The following SPTSSA variants were observed in gnomAD, a reference collection of about 807,000 sequenced individuals.
The protein encoded by SPTSSA is serine palmitoyltransferase small subunit A, also known as small subunit of serine palmitoyltransferase A.
SPTSSA carries 8 observed loss-of-function variants against 9.1 expected under a neutral mutation model. The ratio of observed to expected loss-of-function variants is 0.88; its 90% confidence interval spans 0.51 to 1.58. The LOEUF (loss-of-function observed/expected upper bound fraction) is 1.58. SPTSSA is among the 40% of genes most tolerant of loss of function. The pLI is 0.00. For missense variants in SPTSSA, 100 were observed against 93.8 expected, an observed-to-expected ratio of 1.07 and a Z score of -0.27; for synonymous variants, 42 against 37.7, an observed-to-expected ratio of 1.11 and a Z score of -0.41.
At chr14:34,457,800 C>T (rs1566427197) in intron 1 of SPTSSA, among the ~76,000 whole-genome samples, 1 of 151,576 alleles carries the variant, frequency 6.6e-6, no homozygotes, top group Non-Finnish European at 1.5e-5. Flanking sequence ...GGTGAAACCC[C>T]ACCTCAACTA....
intron 1 of SPTSSA, among the ~76,000 whole-genome samples, chr14:34,451,596 G>C (rs537095822): frequency 6.6e-6 from 1 of 151,634 alleles, no homozygotes; most frequent in African/African-American, 2.4e-5. Flanking sequence ...GGTGGCGGGC[G>C]CCTGTAGTCC....
chr14:34,436,609 A>C (rs1027516488), intron 1 of SPTSSA, among the ~76,000 whole-genome samples: 1 of 152,234 alleles, frequency 6.6e-6, no homozygotes, highest in East Asian at 1.9e-4. Flanking sequence ...ACTATCAACT[A>C]ATATTTGTAT....
At chr14:34,453,908 G>A (rs189097322) in intron 1 of SPTSSA, among the ~76,000 whole-genome samples, 79 of 151,146 alleles carry the variant, frequency 5.2e-4, no homozygotes, top group African/African-American at 1.7e-3. Context: ...GGCCAGGTCC[G>A]ATGGTTCACA....
chr14:34,462,091 G>A lies in SPTSSA; in HGVS notation c.112+5C>T. On this transcript the variant is annotated splice_donor_5th_base_variant and intron_variant, in intron 1 of 1. Transcript: ENST00000298130. ...GCCCCCGCGCGCGCGGCCGGGACAG[G>A]ATACTGAACACCGTCCGCTCCCAGG... 3.4e-6 allele frequency: 5 copies of A among 1,487,438 alleles called. No individual in the cohort carries two copies. The highest frequency in any genetic ancestry group is 4.5e-6 in the Non-Finnish European group (5 of 1,110,336). The allele number at this position is 1,487,438 out of a possible 1,614,324, so 92.1% of individuals were successfully genotyped here.
intron 1 of SPTSSA, among the ~76,000 whole-genome samples, chr14:34,437,042 C>T (rs910437461): frequency 6.6e-6 from 1 of 152,178 alleles, no homozygotes; most frequent in African/African-American, 2.4e-5. Flanking sequence ...CTCCTCCAGA[C>T]TGTAGGCATT....
intron 1 of SPTSSA, among the ~76,000 whole-genome samples, chr14:34,451,712 T>C (rs1404784672): frequency 1.5e-5 from 2 of 135,406 alleles, no homozygotes; most frequent in East Asian, 2.1e-4. Context: ...AACGAGACTC[T>C]GTTTCAAAAA....
chr14:34,433,160 T>C lies in SPTSSA; in HGVS notation c.*2041A>G. The C allele has an allele frequency of 6.6e-6, 1 of 152,218 alleles. No homozygotes were observed. The highest frequency in any genetic ancestry group is 1.9e-4 in the East Asian group (1 of 5,200). The allele number at this position is 152,218 out of a possible 1,614,324, so 9.4% of individuals were successfully genotyped here. ...TTTCTCTTTTGACTCTCCTCAAGAT[T>C]TCCTGTAAGACCAAACTTTATCTTC... On this transcript the variant is annotated 3_prime_UTR_variant, in exon 2 of 2. Coordinates refer to ENST00000298130, the MANE Select transcript of SPTSSA (RefSeq NM_138288.4).
chr14:34,434,693 G>A lies in SPTSSA; in HGVS notation c.*508C>T, dbSNP rs1883211151. 6.6e-6 allele frequency: 1 copy of A among 152,568 alleles called. No homozygotes were observed. Among genetic ancestry groups the A allele is most frequent in the South Asian group, 2.1e-4 (1 of 4,830 alleles). The allele number at this position is 152,568 out of a possible 1,614,324, so 9.5% of individuals were successfully genotyped here. On this transcript the variant is annotated 3_prime_UTR_variant, in exon 2 of 2. Coordinates refer to ENST00000298130, the MANE Select transcript of SPTSSA (RefSeq NM_138288.4). ...GTTCAAGCTTACAGATAAATCTTTT[G>A]TTAAGTAGTTCTCAATAAAATATCT...
intron 1 of SPTSSA, among the ~76,000 whole-genome samples, chr14:34,458,807 C>T (rs1405554196): frequency 1.3e-5 from 2 of 151,214 alleles, no homozygotes; most frequent in African/African-American, 2.4e-5. Context: ...CTTGGGAAGT[C>T]AAGAAGCAAA....
chr14:34,443,171 G>GTGTGTT lies in SPTSSA; in HGVS notation c.113-7868_113-7867insAACACA, dbSNP rs775781106. On this transcript the variant is annotated intron_variant, in intron 1 of 1. Coordinates refer to ENST00000298130, the MANE Select transcript of SPTSSA (RefSeq NM_138288.4). ...TGTGTGTGTGTGTGTGTGTGTGTGT[G>GTGTGTT]TTTTGAGATTGAGTTTTCCTCTAGG... Among the ~76,000 whole-genome samples, 431 of 62,122 alleles carry GTGTGTT rather than the reference G, an allele frequency of 6.9e-3. 62 individuals carry two copies. The highest frequency in any genetic ancestry group is 8.1e-3 in the Non-Finnish European group (312 of 38,564). 40.8% of individuals were successfully genotyped at this position (62,122 alleles called of 152,430 possible). A position where few individuals can be genotyped will look rare whatever the true frequency, so the allele number is the denominator to read the frequency against.
intron 1 of SPTSSA, among the ~76,000 whole-genome samples, chr14:34,453,198 G>C (rs989828906): frequency 1.3e-5 from 2 of 152,192 alleles, no homozygotes; most frequent in Admixed American, 6.5e-5. Context: ...CTGCCTGCAG[G>C]GTGAGGATGA....
intron 1 of SPTSSA, among the ~76,000 whole-genome samples, chr14:34,451,552 T>C (rs1883522764): frequency 6.6e-6 from 1 of 151,808 alleles, no homozygotes; most frequent in Non-Finnish European, 1.5e-5. Flanking sequence ...TGAAACCCCG[T>C]CTCTACTAAA....
intron 1 of SPTSSA, among the ~76,000 whole-genome samples, chr14:34,458,481 G>T (rs542717762): frequency 2.6e-4 from 39 of 150,550 alleles, no homozygotes; most frequent in Middle Eastern, 6.9e-3. Flanking sequence ...ACCGCGCCAG[G>T]CCTAAGATCG....
intron 1 of SPTSSA, among the ~76,000 whole-genome samples, chr14:34,457,747 G>A (rs1322798874): frequency 6.6e-6 from 1 of 151,996 alleles, no homozygotes; most frequent in Non-Finnish European, 1.5e-5. Context: ...TGAAGTGGGG[G>A]GATCACTTGA....
At position 34,435,026 on chromosome 14, in the gene SPTSSA, T is replaced by C. The variant is rs1883216199; in HGVS notation, c.*175A>G. 2.3e-6 allele frequency: 1 copy of C among 432,254 alleles called. No homozygotes were observed. The highest frequency in any genetic ancestry group is 4.0e-5 in the Admixed American group (1 of 24,980). 26.8% of individuals were successfully genotyped at this position (432,254 alleles called of 1,614,324 possible). ...CAAGAGCCTCTTTGAAAATTAAAAATAAAGAACACAACACATGAGTCAGGA... is the reference window on the plus strand; with the variant it reads ...CAAGAGCCTCTTTGAAAATTAAAAACAAAGAACACAACACATGAGTCAGGA... On this transcript the variant is annotated 3_prime_UTR_variant, in exon 2 of 2. Coordinates refer to ENST00000298130, the MANE Select transcript of SPTSSA (RefSeq NM_138288.4).
chr14:34,459,484 G>T (rs868706022), intron 1 of SPTSSA, among the ~76,000 whole-genome samples: 2 of 147,836 alleles, frequency 1.4e-5, no homozygotes, highest in South Asian at 2.2e-4. Flanking sequence ...AAAAGAAAAA[G>T]AAGAAAATTA....
At chr14:34,455,387 A>G (rs1380669289) in intron 1 of SPTSSA, among the ~76,000 whole-genome samples, 1 of 152,082 alleles carries the variant, frequency 6.6e-6, no homozygotes, top group Non-Finnish European at 1.5e-5. Context: ...ACTGTCTCAA[A>G]AAAAGAAAAA....
At chr14:34,444,426 T>C (rs1883384459) in intron 1 of SPTSSA, among the ~76,000 whole-genome samples, 3 of 152,096 alleles carry the variant, frequency 2.0e-5, no homozygotes, top group Admixed American at 6.6e-5. Flanking sequence ...CTTATCAGAA[T>C]ATAACTTACC....
intron 1 of SPTSSA, among the ~76,000 whole-genome samples, chr14:34,461,086 T>C (rs1252217804): frequency 6.6e-6 from 1 of 152,218 alleles, no homozygotes; most frequent in Non-Finnish European, 1.5e-5. Context: ...AAAGTTATTC[T>C]GAAGTAAGCT....
Sources: gnomAD v4.1 joint callset for allele counts (sites outside exome capture counted in the v4.1 genomes callset) on GRCh38, gnomAD v4.1.1 for gene constraint, MANE v1.5 for transcripts, NCBI Gene and HGNC (gene_info 2026-07-23, HGNC 2026-07-21) for gene names.